Variants in GRK4 observed in about 807,000 individuals in gnomAD.
GRK4 encodes G protein-coupled receptor kinase 4, also known as G protein-coupled receptor kinase 2-like.
Under a neutral mutation model 77.9 loss-of-function variants are expected in GRK4, and 73 were observed. The ratio of observed to expected loss-of-function variants is 0.94; its 90% CI spans 0.78 to 1.14. GRK4 has a LOEUF of 1.14. GRK4 is among the 50% of genes most tolerant of loss of function. The probability of loss-of-function intolerance (pLI) is 0.00; values close to 1 mark genes in which losing one functional copy is unlikely to be tolerated. For missense variants in GRK4, 729 were observed against 700.2 expected (o/e 1.04, Z -0.46); for synonymous variants, 257 against 254.4 (o/e 1.01, Z -0.10).
intron 3 of GRK4, among the ~76,000 whole-genome samples, chr4:2,989,599 C>T (rs1176207500): frequency 6.6e-6 from 1 of 152,154 alleles, no homozygotes; most frequent in Admixed American, 6.6e-5. Context: ...CTGTGCCCGG[C>T]TCTAAGATGA....
chr4:2,964,499 G>T (rs1716859268), intron 1 of GRK4, among the ~76,000 whole-genome samples: 1 of 152,120 alleles, frequency 6.6e-6, no homozygotes, highest in Admixed American at 6.5e-5. Flanking sequence ...AAAGAACGGC[G>T]TCTTTATGGT....
chr4:2,977,176 T>A (rs983551962), intron 1 of GRK4, among the ~76,000 whole-genome samples: 2 of 152,208 alleles, frequency 1.3e-5, no homozygotes, highest in Non-Finnish European at 2.9e-5. Context: ...ACTTTTTTTT[T>A]ATTGCTGCTT....
chr4:3,024,337 A>G (rs546326828), intron 10 of GRK4, among the ~76,000 whole-genome samples: 79 of 152,258 alleles, frequency 5.2e-4, no homozygotes, highest in Non-Finnish European at 9.4e-4. Flanking sequence ...TTGTGGCACA[A>G]TTACAACCTG....
intron 10 of GRK4, among the ~76,000 whole-genome samples, chr4:3,023,754 G>C (rs1438431045): frequency 6.6e-6 from 1 of 152,192 alleles, no homozygotes; most frequent in Non-Finnish European, 1.5e-5. Flanking sequence ...TTGTTAAAAG[G>C]CTTAACAAGG....
chr4:3,035,546 C>T, intron 13 of GRK4, 23 bp downstream of exon 13: 1 of 1,603,646 alleles, frequency 6.2e-7, no homozygotes, highest in Non-Finnish European at 8.5e-7. Flanking sequence ...CCAGGACGAG[C>T]AGGGCCCTAG....
chr4:3,037,634 C>T (rs901689800), intron 14 of GRK4, 123 bp downstream of exon 14: 35 of 1,175,100 alleles, frequency 3.0e-5, no homozygotes, highest in Non-Finnish European at 3.9e-5. Flanking sequence ...TTATATAAGA[C>T]GGCTGGGCGC....
intron 1 of GRK4, among the ~76,000 whole-genome samples, chr4:2,969,740 T>A (rs1158015854): frequency 6.6e-6 from 1 of 151,774 alleles, no homozygotes; most frequent in East Asian, 1.9e-4. Context: ...GGGGAAATCA[T>A]AGCTACTGAA....
At chr4:3,001,740 G>T (rs1200430777) in intron 4 of GRK4, among the ~76,000 whole-genome samples, 1 of 152,080 alleles carries the variant, frequency 6.6e-6, no homozygotes, top group East Asian at 1.9e-4. Context: ...GATTAATTGT[G>T]ATAATATTGT....
chr4:2,967,150 C>T (rs899886662), intron 1 of GRK4, among the ~76,000 whole-genome samples: 2 of 152,150 alleles, frequency 1.3e-5, no homozygotes, highest in Non-Finnish European at 2.9e-5. Context: ...CACCAGACAC[C>T]AAATCTGTCT....
intron 8 of GRK4, among the ~76,000 whole-genome samples, chr4:3,015,188 T>C (rs1734078992): frequency 6.6e-6 from 1 of 152,202 alleles, no homozygotes; most frequent in Non-Finnish European, 1.5e-5. Flanking sequence ...CCAGTTTCTC[T>C]CTACCTAATT....
intron 4 of GRK4, among the ~76,000 whole-genome samples, chr4:2,996,080 T>C (rs578105459): frequency 1.3e-5 from 2 of 152,278 alleles, no homozygotes; most frequent in Admixed American, 6.5e-5. Flanking sequence ...CTTTTTTTTT[T>C]TTCCCCCTTC....
intron 4 of GRK4, among the ~76,000 whole-genome samples, chr4:2,998,247 A>G (rs1324328235): frequency 6.6e-6 from 1 of 152,066 alleles, no homozygotes; most frequent in Non-Finnish European, 1.5e-5. Context: ...AATCCCAGCT[A>G]CTTGGAAGCT....
intron 2 of GRK4, 29 bp downstream of exon 2, chr4:2,984,637 G>A (rs1278749098): frequency 1.6e-6 from 2 of 1,232,394 alleles, no homozygotes; most frequent in South Asian, 1.3e-5. Context: ...CTAATGCTTG[G>A]ATGGTACATC....
At chr4:3,016,582 T>C (rs1325122795) in intron 8 of GRK4, among the ~76,000 whole-genome samples, 3 of 137,958 alleles carry the variant, frequency 2.2e-5, no homozygotes, top group Admixed American at 7.1e-5. Flanking sequence ...GTGACTGTAG[T>C]CCCAGCTACT....
At chr4:3,008,553 A>G (rs1052749243) in intron 6 of GRK4, among the ~76,000 whole-genome samples, 2 of 152,234 alleles carry the variant, frequency 1.3e-5, no homozygotes, top group Non-Finnish European at 2.9e-5. Context: ...CCGGTAATCC[A>G]GCACTTTGGG....
At chr4:3,012,753 A>G (rs1733261404) in intron 7 of GRK4, among the ~76,000 whole-genome samples, 1 of 152,348 alleles carries the variant, frequency 6.6e-6, no homozygotes, top group Non-Finnish European at 1.5e-5. Context: ...ATACATAAAT[A>G]CTACTTTAAG....
chr4:3,008,568 C>T (rs929629539), intron 6 of GRK4, among the ~76,000 whole-genome samples: 10 of 151,940 alleles, frequency 6.6e-5, no homozygotes, highest in African/African-American at 1.2e-4. Context: ...TTTGGGAGGC[C>T]GAGGCGGGTG....
intron 9 of GRK4, among the ~76,000 whole-genome samples, chr4:3,022,052 T>C (rs1407012663): frequency 6.6e-6 from 1 of 152,230 alleles, no homozygotes; most frequent in East Asian, 1.9e-4. Context: ...TGAGGCATTC[T>C]AATATGGGGA....
At chr4:2,992,130 C>T in intron 3 of GRK4, 85 bp from the exon 4 acceptor site, 3 of 874,816 alleles carry the variant, frequency 3.4e-6, no homozygotes, top group Admixed American at 1.9e-5. Context: ...CTCCCAACCT[C>T]AGCGTCCCAA....
Sources: allele counts gnomAD v4.1 joint callset (sites outside exome capture counted in the v4.1 genomes callset), GRCh38; gene constraint gnomAD v4.1.1; transcripts MANE v1.5; gene names NCBI Gene and HGNC (gene_info 2026-07-23, HGNC 2026-07-21).